LARGE1: variants seen among roughly 807,000 people sequenced by gnomAD.
LARGE1 encodes the protein xylosyl- and glucuronyltransferase LARGE1.
LARGE1 carries 43 observed loss-of-function variants against 87.6 expected under a neutral mutation model. The observed-to-expected ratio is 0.49, with a 90% CI of 0.38 to 0.63. LARGE1 has a LOEUF of 0.63. LARGE1 is among the 30% of genes least tolerant of loss of function. The pLI is 0.00. For missense variants in LARGE1, 802 were observed against 1,000.2 expected (o/e 0.80, Z 2.67); for synonymous variants, 434 against 394.6 (o/e 1.10, Z -1.18).
chr22:33,856,690 G>T (rs1300623633), intron 1 of LARGE1: 1 of 152,186 alleles, frequency 6.6e-6, no homozygotes, highest in African/African-American at 2.4e-5. Context: ...ACTTGGAAAG[G>T]TTTCTGTGAG....
intron 10 of LARGE1, among the ~76,000 whole-genome samples, chr22:33,332,011 G>C (rs1186547834): frequency 6.6e-6 from 1 of 152,054 alleles, no homozygotes; most frequent in Non-Finnish European, 1.5e-5. Context: ...TCCTCTGCTT[G>C]TCTGTAACCC....
intron 10 of LARGE1, among the ~76,000 whole-genome samples, chr22:33,321,554 A>G (rs1936713313): frequency 6.6e-6 from 1 of 152,252 alleles, no homozygotes; most frequent in Non-Finnish European, 1.5e-5. Flanking sequence ...TTGCAAGAGC[A>G]GGGTTGGCTT....
At chr22:33,670,242 A>C (rs2081370638) in intron 2 of LARGE1, among the ~76,000 whole-genome samples, 1 of 152,010 alleles carries the variant, frequency 6.6e-6, no homozygotes, top group Non-Finnish European at 1.5e-5. Context: ...AATCACTATA[A>C]AGCCTAGTAG....
At chr22:33,679,847 A>T (rs1336026967) in intron 2 of LARGE1, among the ~76,000 whole-genome samples, 1 of 138,380 alleles carries the variant, frequency 7.2e-6, no homozygotes, top group Non-Finnish European at 1.5e-5. Context: ...TGTCTCAAAA[A>T]ACAAACAAAC....
intron 1 of LARGE1, among the ~76,000 whole-genome samples, chr22:33,783,683 A>T (rs1486009379): frequency 6.6e-6 from 1 of 152,240 alleles, no homozygotes; most frequent in African/African-American, 2.4e-5. Context: ...TGATTTAATC[A>T]AACAAGTATC....
intron 1 of LARGE1, among the ~76,000 whole-genome samples, chr22:33,823,024 C>T (rs1223019171): frequency 6.6e-6 from 1 of 152,176 alleles, no homozygotes; most frequent in Non-Finnish European, 1.5e-5. Flanking sequence ...CACCTATACA[C>T]CTACCACAGA....
At chr22:33,853,303 C>A (rs2146524159) in intron 1 of LARGE1, among the ~76,000 whole-genome samples, 1 of 152,298 alleles carries the variant, frequency 6.6e-6, no homozygotes, top group South Asian at 2.1e-4. Flanking sequence ...CCAGAAGTAA[C>A]TCCAGAATCA....
At chr22:33,908,966 G>A (rs1374019079) in intron 1 of LARGE1, among the ~76,000 whole-genome samples, 3 of 152,078 alleles carry the variant, frequency 2.0e-5, no homozygotes, top group African/African-American at 7.2e-5. Context: ...CCACTCATGA[G>A]GAAAAGAAGA....
chr22:33,682,917 T>G (rs1269028680), intron 2 of LARGE1, among the ~76,000 whole-genome samples: 1 of 152,224 alleles, frequency 6.6e-6, no homozygotes, highest in Non-Finnish European at 1.5e-5. Context: ...CCAAGTTTGC[T>G]GGCTCCAACC....
intron 1 of LARGE1, among the ~76,000 whole-genome samples, chr22:33,820,969 C>G (rs1325844696): frequency 6.6e-6 from 1 of 152,168 alleles, no homozygotes. Flanking sequence ...AATACATTTA[C>G]TCGTCAGTTT....
chr22:33,251,154 T>C (rs1053416201), intron 11 of LARGE1, among the ~76,000 whole-genome samples: 2 of 152,218 alleles, frequency 1.3e-5, no homozygotes, highest in Non-Finnish European at 2.9e-5. Flanking sequence ...CCTACACTAC[T>C]GGCCTTATTT....
the LARGE1 span, chr22:33,108,495 G>A: frequency 3.3e-5 from 5 of 152,126 alleles, no homozygotes; most frequent in Non-Finnish European, 5.9e-5. Context: ...GTAATGACAT[G>A]AACAGAGTCA....
intron 11 of LARGE1, among the ~76,000 whole-genome samples, chr22:33,244,419 G>A (rs1292903210): frequency 6.6e-6 from 1 of 152,150 alleles, no homozygotes; most frequent in Non-Finnish European, 1.5e-5. Context: ...AAAAGGCTAA[G>A]CAACTTTTTA....
intron 6 of LARGE1, among the ~76,000 whole-genome samples, chr22:33,462,930 C>T (rs964922516): frequency 6.6e-6 from 1 of 152,184 alleles, no homozygotes; most frequent in Non-Finnish European, 1.5e-5. Flanking sequence ...TAACGTCTCA[C>T]ACTGTGTTGG....
At chr22:33,347,087 GT>G (rs1267158751) in intron 9 of LARGE1, among the ~76,000 whole-genome samples, 1 of 152,136 alleles carries the variant, frequency 6.6e-6, no homozygotes, top group African/African-American at 2.4e-5. Flanking sequence ...GAGTTCTCAG[GT>G]AAGAAATTCA....
At chr22:33,685,604 A>G (rs972618979) in intron 2 of LARGE1, among the ~76,000 whole-genome samples, 15 of 152,344 alleles carry the variant, frequency 9.8e-5, no homozygotes, top group African/African-American at 3.6e-4. Flanking sequence ...CATATGAATT[A>G]TAAACAAATT....
chr22:33,491,445 GCATTTTCC>G (rs1441903548), intron 6 of LARGE1, among the ~76,000 whole-genome samples: 1 of 152,118 alleles, frequency 6.6e-6, no homozygotes, highest in Non-Finnish European at 1.5e-5. Flanking sequence ...AAAGATGAAC[GCATTTTCC>G]CAACTGAGCT....
chr22:33,324,491 C>G (rs1190515669), intron 10 of LARGE1, among the ~76,000 whole-genome samples: 2 of 152,050 alleles, frequency 1.3e-5, no homozygotes, highest in African/African-American at 4.8e-5. Context: ...GGCACAGAAA[C>G]AAAAGACAGA....
At chr22:33,535,270 G>A (rs369468968) in intron 6 of LARGE1, among the ~76,000 whole-genome samples, 5 of 152,212 alleles carry the variant, frequency 3.3e-5, no homozygotes, top group South Asian at 2.1e-4. Context: ...CAGGCCAGGC[G>A]CGGTGGCTCA....
Sources: gnomAD v4.1 joint callset for allele counts (sites outside exome capture counted in the v4.1 genomes callset) on GRCh38, gnomAD v4.1.1 for gene constraint, MANE v1.5 for transcripts, NCBI Gene and HGNC (gene_info 2026-07-23, HGNC 2026-07-21) for gene names.